TBC1D5: variants seen among roughly 807,000 people sequenced by gnomAD.
The protein encoded by TBC1D5 is TBC1 domain family member 5, also known as TBC1 domain family, member 5.
In TBC1D5, 75 loss-of-function variants were observed where a neutral mutation model predicts 100.3. That is an observed-to-expected ratio of 0.75 (90% confidence interval 0.62 to 0.91). TBC1D5 has a LOEUF of 0.91. TBC1D5 is among the 40% of genes least tolerant of loss of function. The pLI, the probability that TBC1D5 is intolerant of heterozygous loss-of-function variation, is 0.00. For missense variants in TBC1D5, 910 were observed against 942.4 expected (o/e 0.97, Z 0.45); for synonymous variants, 323 against 325.6 (o/e 0.99, Z 0.09).
chr3:17,279,177 T>C (rs2080327417), intron 15 of TBC1D5, among the ~76,000 whole-genome samples: 1 of 152,240 alleles, frequency 6.6e-6, no homozygotes, highest in Non-Finnish European at 1.5e-5. Context: ...CACATTTTTT[T>C]ACAAAAGAAA....
chr3:17,278,422 C>G (rs1395635220), intron 15 of TBC1D5, among the ~76,000 whole-genome samples: 1 of 152,170 alleles, frequency 6.6e-6, no homozygotes, highest in African/African-American at 2.4e-5. Flanking sequence ...CATATGCATC[C>G]ACTACTTGTA....
At chr3:17,414,753 T>C (rs985173443) in intron 4 of TBC1D5, among the ~76,000 whole-genome samples, 2 of 152,140 alleles carry the variant, frequency 1.3e-5, no homozygotes, top group African/African-American at 4.8e-5. Flanking sequence ...TAAAAGGCAA[T>C]TACAAACTGT....
intron 15 of TBC1D5, among the ~76,000 whole-genome samples, chr3:17,279,815 A>C (rs964417516): frequency 3.3e-5 from 5 of 152,244 alleles, no homozygotes; most frequent in Admixed American, 3.3e-4. Context: ...CTGTATTTTT[A>C]ACAAGCTTCC....
chr3:17,637,305 G>A (rs994257194), intron 1 of TBC1D5, among the ~76,000 whole-genome samples: 2 of 146,636 alleles, frequency 1.4e-5, no homozygotes, highest in Non-Finnish European at 3.0e-5. Flanking sequence ...GCCTCCCAAA[G>A]TGCTGGGATT....
At chr3:17,489,528 T>C (rs1007839339) in intron 3 of TBC1D5, among the ~76,000 whole-genome samples, 8 of 152,192 alleles carry the variant, frequency 5.3e-5, no homozygotes, top group Non-Finnish European at 8.8e-5. Context: ...TTCCCCTCCC[T>C]GTGTCCATGT....
At chr3:17,603,795 G>A (rs746071517) in intron 2 of TBC1D5, among the ~76,000 whole-genome samples, 7 of 151,934 alleles carry the variant, frequency 4.6e-5, no homozygotes, top group East Asian at 1.9e-4. Context: ...TTACAGGCAC[G>A]CACCACGCCT....
chr3:17,487,091 G>A (rs952396135), intron 3 of TBC1D5, among the ~76,000 whole-genome samples: 4 of 152,106 alleles, frequency 2.6e-5, no homozygotes, highest in African/African-American at 9.7e-5. Flanking sequence ...ATAGCCTCTT[G>A]TTTAAGTAAA....
intron 19 of TBC1D5, among the ~76,000 whole-genome samples, chr3:17,184,234 A>G (rs1394273873): frequency 6.6e-6 from 1 of 152,228 alleles, no homozygotes; most frequent in Non-Finnish European, 1.5e-5. Context: ...CATGACCCAC[A>G]TGCAAAATGA....
intron 3 of TBC1D5, among the ~76,000 whole-genome samples, chr3:17,462,797 A>G (rs1464373270): frequency 6.6e-6 from 1 of 152,206 alleles, no homozygotes; most frequent in African/African-American, 2.4e-5. Flanking sequence ...GCCAGACAGC[A>G]TAGATCCATC....
At chr3:17,628,881 T>C (rs969578331) in intron 1 of TBC1D5, among the ~76,000 whole-genome samples, 2 of 152,256 alleles carry the variant, frequency 1.3e-5, no homozygotes, top group Non-Finnish European at 2.9e-5. Context: ...ACTTTTCCTG[T>C]ATGATATAGT....
At chr3:17,572,172 C>G (rs1034509803) in intron 2 of TBC1D5, among the ~76,000 whole-genome samples, 3 of 151,828 alleles carry the variant, frequency 2.0e-5, no homozygotes, top group African/African-American at 7.3e-5. Flanking sequence ...CCTGCTCTCT[C>G]TCTCTCTCAC....
At position 17,344,296 on chromosome 3, in the gene TBC1D5, T is replaced by C. The variant is rs901282621; in HGVS notation, c.995+27779A>G. Among the ~76,000 whole-genome samples, 4 of 152,074 alleles carry C rather than the reference T, an allele frequency of 2.6e-5. No individual in the cohort carries two copies. The South Asian group carries it at 8.3e-4, about 32-fold the overall frequency. On this transcript the variant is annotated intron_variant, in intron 13 of 21. Transcript: ENST00000253692. ...AACAGACAAACAGAGAGCCAAATCA[T>C]GAGTGAACTCCCATTCACAATTGCT...
chr3:17,297,175 G>A (rs2082333215), intron 14 of TBC1D5, among the ~76,000 whole-genome samples: 1 of 152,230 alleles, frequency 6.6e-6, no homozygotes, highest in Non-Finnish European at 1.5e-5. Context: ...AATGCCGTTT[G>A]TACTATGAAC....
chr3:17,602,258 C>G (rs1309143276), intron 2 of TBC1D5, among the ~76,000 whole-genome samples: 1 of 152,170 alleles, frequency 6.6e-6, no homozygotes, highest in African/African-American at 2.4e-5. Flanking sequence ...AAGTGACTCC[C>G]TTATCTGTCT....
chr3:17,505,970 A>G (rs1179286244), intron 3 of TBC1D5, among the ~76,000 whole-genome samples: 1 of 152,178 alleles, frequency 6.6e-6, no homozygotes, highest in East Asian at 1.9e-4. Context: ...ATATCTGTAT[A>G]TATTTTTACT....
At chr3:17,702,767 A>T (rs567717312) in intron 1 of TBC1D5, among the ~76,000 whole-genome samples, 1 of 152,302 alleles carries the variant, frequency 6.6e-6, no homozygotes, top group South Asian at 2.1e-4. Flanking sequence ...TAAGACTCAT[A>T]TGGTACTACC....
intron 9 of TBC1D5, among the ~76,000 whole-genome samples, chr3:17,379,029 C>A (rs1217370944): frequency 2.0e-5 from 3 of 151,630 alleles, no homozygotes; most frequent in South Asian, 2.1e-4. Flanking sequence ...ATACTATTAA[C>A]AATAACTGTA....
chr3:17,258,120 C>G (rs2077900482), intron 16 of TBC1D5, among the ~76,000 whole-genome samples: 1 of 151,998 alleles, frequency 6.6e-6, no homozygotes. Context: ...GTTCTAAAGA[C>G]AGTTGGGAAA....
rs1339051301 is a variant in TBC1D5 at position 17,438,060 on chromosome 3, G to A, written c.98-9541C>T. Among the ~76,000 whole-genome samples the A allele has an allele frequency of 3.3e-5, 5 of 152,122 alleles. No homozygotes were observed. The East Asian group carries it at 9.6e-4, about 29-fold the overall frequency. On this transcript the variant is annotated intron_variant, in intron 3 of 21. Coordinates refer to ENST00000253692, the Ensembl canonical transcript of TBC1D5. ...ACTATGTGCTCTTTATTAGGGGAGG[G>A]TGCAGGCTCCAGATGTTAAGCACAA...
Sources: allele counts gnomAD v4.1 joint callset (sites outside exome capture counted in the v4.1 genomes callset), GRCh38; gene constraint gnomAD v4.1.1; transcripts MANE v1.5; gene names NCBI Gene and HGNC (gene_info 2026-07-23, HGNC 2026-07-21).